ERCC3: variants seen among roughly 807,000 people sequenced by gnomAD.
ERCC3 encodes general transcription and DNA repair factor IIH helicase/translocase subunit XPB.
A neutral mutation model predicts 94.2 loss-of-function variants in ERCC3; 66 were observed. The observed-to-expected ratio is 0.70, with a 90% confidence interval of 0.57 to 0.86. The LOEUF (loss-of-function observed/expected upper bound fraction) is 0.86, where lower values mean the gene tolerates loss of function less well. Ranked by LOEUF, ERCC3 falls within the 40% of genes least tolerant of loss-of-function variation. The pLI is 0.00. For missense variants in ERCC3, 829 were observed against 987.1 expected, an observed-to-expected ratio of 0.84 and a Z score of 2.15; for synonymous variants, 349 against 369.1, an observed-to-expected ratio of 0.95 and a Z score of 0.63.
rs1294767088 is a variant in ERCC3 at position 127,290,207 on chromosome 2, G to A, written c.521+17C>T. 5.6e-6 allele frequency: 9 copies of A among 1,610,592 alleles called. No individual in the cohort carries two copies. The highest frequency in any genetic ancestry group is 7.6e-6 in the Non-Finnish European group (9 of 1,176,712). On this transcript the variant is annotated intron_variant, in intron 4 of 14. Transcript: ENST00000285398. ...AGTGACAGTGCCTTGGGACAGGCCT[G>A]TCATGGAATCTCTTACCTGTTGTGC...
chr2:127,267,669 T>C (rs1015788282), intron 12 of ERCC3, among the ~76,000 whole-genome samples: 1 of 152,160 alleles, frequency 6.6e-6, no homozygotes, highest in Non-Finnish European at 1.5e-5. Flanking sequence ...GCTCTGTAGT[T>C]TGGATTGTGT....
intron 7 of ERCC3, 96 bp downstream of exon 7, chr2:127,288,564 G>T (rs572228124): frequency 6.5e-6 from 7 of 1,069,984 alleles, no homozygotes; most frequent in Non-Finnish European, 8.8e-6. Context: ...TTTCAGCAAG[G>T]TGTGATTTAG....
Position 127,286,934 on chromosome 2 carries a change from C to A in ERCC3, c.1111G>T (p.Val371Leu), listed in dbSNP as rs371109024. 1 of 1,614,120 alleles carries A rather than the reference C, an allele frequency of 6.2e-7. No homozygotes were observed. Among genetic ancestry groups the A allele is most frequent in the Non-Finnish European group, 8.5e-7 (1 of 1,179,972 alleles). The part of the protein sequence containing the change: ...CLVLGNSAVS[V>L]EQWKAQFKMW... ...TTGAACTGGGCTTTCCACTGCTCCA[C>A]AGAAACAGCTGAGTTGCCCAGCACC... Residue 371 changes from valine (V) to leucine (L), a missense_variant, in exon 8 of 15, where the codon GTG becomes TTG. Val to Leu is a conservative substitution (Grantham distance 32). Transcript: ENST00000285398.
At chr2:127,292,875 C>A in intron 2 of ERCC3, 29 bp from the exon 3 acceptor site, 1 of 1,437,262 alleles carries the variant, frequency 7.0e-7, no homozygotes, top group Non-Finnish European at 9.8e-7. Context: ...ACAAAACAGA[C>A]AAGGAAACAT....
At position 127,259,258 on chromosome 2, in the gene ERCC3, A is replaced by G. The variant is rs1258892058; in HGVS notation, c.2217+38T>C. ...GTGTCTACAAACGCTGCCCTGTGAG[A>G]GCACTGACACCTGGAACCTCCTCAC... On this transcript the variant is annotated intron_variant, in intron 14 of 14. Coordinates refer to ENST00000285398, the MANE Select transcript of ERCC3 (RefSeq NM_000122.2). The surrounding 1 kb of genome is among the most constrained non-coding windows in gnomAD (Gnocchi z 4.9). 4 of 1,612,844 alleles carry G rather than the reference A, an allele frequency of 2.5e-6. No homozygotes were observed. In the Admixed American group the frequency reaches 5.0e-5, roughly 20 times the overall value.
At chr2:127,273,682 G>C (rs1269126613) in intron 10 of ERCC3, among the ~76,000 whole-genome samples, 2 of 142,944 alleles carry the variant, frequency 1.4e-5, no homozygotes, top group Non-Finnish European at 3.0e-5. Context: ...CGGGGAGGCA[G>C]AGGTTGTGGT....
chr2:127,292,158 C>T (rs1444735165), intron 3 of ERCC3: 8 of 295,368 alleles, frequency 2.7e-5, no homozygotes, highest in South Asian at 1.7e-4. Context: ...TAGCGGATCA[C>T]GACCTCATTT....
At chr2:127,273,552 C>T (rs1684633953) in intron 10 of ERCC3, among the ~76,000 whole-genome samples, 1 of 151,714 alleles carries the variant, frequency 6.6e-6, no homozygotes, top group Non-Finnish European at 1.5e-5. Context: ...GAATTCACGA[C>T]CAGCCTGACC....
At chr2:127,262,833 G>A (rs1458993453) in intron 12 of ERCC3, 1 of 152,158 alleles carries the variant, frequency 6.6e-6, no homozygotes, top group African/African-American at 2.4e-5. Flanking sequence ...GTTGATTTTT[G>A]TATGTGGTGA....
Position 127,258,237 on chromosome 2 carries a change from C to T in ERCC3, c.2218-510G>A, listed in dbSNP as rs1684080428. 6.6e-6 allele frequency among the ~76,000 whole-genome samples: 1 copy of T among 152,098 alleles called. No individual in the cohort carries two copies. Among genetic ancestry groups the T allele is most frequent in the South Asian group, 2.1e-4 (1 of 4,828 alleles). ...CATGAGCCACCATGCCTGGCCTGAA[C>T]AGAATTTTTTAACAGTTAGGGCAAA... On this transcript the variant is annotated intron_variant, in intron 14 of 14. Transcript: ENST00000285398. This position sits in a 1 kb window ranked among gnomAD's most constrained non-coding sequence, Gnocchi z 4.1.
rs112140423 is a variant in ERCC3, at chr2:127,286,472, G to T, written c.1342+231C>A. 0.034 allele frequency among the ~76,000 whole-genome samples: 5,107 copies of T among 152,140 alleles called. 122 individuals carry two copies. Among genetic ancestry groups the T allele is most frequent in the Middle Eastern group, 0.071 (21 of 294 alleles). ...TGAGGCAGAGAACTGCTTGAACCTG[G>T]GAGGTGGAAGTTGTGGTGAGCTGAG... On this transcript the variant is annotated intron_variant, in intron 8 of 14. Coordinates refer to ENST00000285398, the MANE Select transcript of ERCC3 (RefSeq NM_000122.2).
Position 127,286,750 on chromosome 2 carries a change from G to A in ERCC3, c.1295C>T (p.Thr432Ile), listed in dbSNP as rs1558960659. Residue 432 changes from threonine (T) to isoleucine (I), a missense_variant, in exon 8 of 15, where the codon ACC becomes ATC. Physicochemically the swap from Thr to Ile is moderately conservative, Grantham distance 89. Coordinates refer to ENST00000285398, the MANE Select transcript of ERCC3 (RefSeq NM_000122.2). ...CAGGATCATGAGGCCCCACTCCTGGGTCTTGAGCCACTCCATGACTCGCTC... is the reference window on the plus strand; with the variant it reads ...CAGGATCATGAGGCCCCACTCCTGGATCTTGAGCCACTCCATGACTCGCTC... The part of the protein sequence containing the change: ...EAERVMEWLK[T>I]QEWGLMILDE... 1.2e-6 allele frequency: 2 copies of A among 1,613,972 alleles called. No homozygotes were observed. The highest frequency in any genetic ancestry group is 1.1e-5 in the South Asian group (1 of 91,086).
intron 8 of ERCC3, among the ~76,000 whole-genome samples, chr2:127,285,217 G>A (rs915558515): frequency 6.6e-6 from 1 of 152,180 alleles, no homozygotes; most frequent in Non-Finnish European, 1.5e-5. Context: ...TCTGAAGCTA[G>A]ATAGAGAAAC....
intron 3 of ERCC3, chr2:127,290,557 C>T: frequency 2.1e-6 from 1 of 482,220 alleles, no homozygotes; most frequent in South Asian, 2.0e-5. Flanking sequence ...CTCTCTATTC[C>T]CACAGCCCCC....
At position 127,293,721 on chromosome 2, in the gene ERCC3, G is replaced by T; in HGVS notation, c.29-3C>A. 6.2e-7 allele frequency: 1 copy of T among 1,610,972 alleles called. No individual in the cohort carries two copies. Among genetic ancestry groups the T allele is most frequent in the Non-Finnish European group, 8.5e-7 (1 of 1,180,004 alleles). On this transcript the variant is annotated splice_region_variant and splice_polypyrimidine_tract_variant and intron_variant, in intron 1 of 14. Coordinates refer to ENST00000285398, the MANE Select transcript of ERCC3 (RefSeq NM_000122.2). ...CCGCTTCCTGGATTTCTTCTTGTCT[G>T]CAAGATACCAACACAGAAGTAAGCC...
rs747372311 is a variant in ERCC3 at position 127,264,774 on chromosome 2, T to A, written c.1946-3428A>T. Reference sequence around the variant, plus strand: ...TCGTAGTATGAGTTAGGAAGAAGTCTCTCCTCCTCAATTTTTTTGAATAGT... The same window carrying A: ...TCGTAGTATGAGTTAGGAAGAAGTCACTCCTCCTCAATTTTTTTGAATAGT... On this transcript the variant is annotated intron_variant, in intron 12 of 14. Transcript: ENST00000285398. The surrounding 1 kb of genome is among the most constrained non-coding windows in gnomAD (Gnocchi z 4.4). 6.0e-4 allele frequency among the ~76,000 whole-genome samples: 91 copies of A among 152,072 alleles called. No individual in the cohort carries two copies. The highest frequency in any genetic ancestry group is 9.7e-4 in the Non-Finnish European group (66 of 67,998).
At chr2:127,290,128 C>G (rs1041792228) in intron 4 of ERCC3, 96 bp downstream of exon 4, 1 of 1,020,464 alleles carries the variant, frequency 9.8e-7, no homozygotes, top group Non-Finnish European at 1.6e-6. Flanking sequence ...ACAGAAAAGA[C>G]AGCATAAACA....
At chr2:127,290,096 T>C (rs1294412318) in intron 4 of ERCC3, 128 bp downstream of exon 4, 5 of 852,626 alleles carry the variant, frequency 5.9e-6, no homozygotes, top group Admixed American at 1.9e-5. Flanking sequence ...ATCTCTTGTT[T>C]CTCTTCTCTT....
chr2:127,267,471 C>T (rs1684411704), intron 12 of ERCC3, among the ~76,000 whole-genome samples: 1 of 151,400 alleles, frequency 6.6e-6, no homozygotes, highest in African/African-American at 2.4e-5. Flanking sequence ...TTTCCCTATC[C>T]CTTTACTTTG....
Sources: gnomAD v4.1 joint callset for allele counts (sites outside exome capture counted in the v4.1 genomes callset) on GRCh38, gnomAD v4.1.1 for gene constraint, Gnocchi (gnomAD v3.1) non-coding constraint, MANE v1.5 for transcripts, NCBI Gene and HGNC (gene_info 2026-07-23, HGNC 2026-07-21) for gene names.